PTPRD: variants seen among roughly 807,000 people sequenced by gnomAD.
The protein encoded by PTPRD is receptor-type tyrosine-protein phosphatase delta.
PTPRD carries 34 observed loss-of-function variants against 214.5 expected under a neutral mutation model. The observed-to-expected ratio is 0.16, with a 90% CI of 0.12 to 0.21. PTPRD has a LOEUF of 0.21. PTPRD is among the 10% of genes least tolerant of loss of function. The pLI is 1.00. For synonymous variants in PTPRD, 1,128 were observed against 845.7 expected (o/e 1.33, Z -5.79); for missense variants, 2,545 against 2,398.7 (o/e 1.06, Z -1.27).
At chr9:9,521,729 G>A (rs574905562) in intron 8 of PTPRD, among the ~76,000 whole-genome samples, 2 of 152,270 alleles carry the variant, frequency 1.3e-5, no homozygotes, top group African/African-American at 4.8e-5. Context: ...AAAGGAAAAG[G>A]TTAACAAAGT....
chr9:8,779,814 G>GTT (rs369478924), intron 11 of PTPRD, among the ~76,000 whole-genome samples: 12 of 128,448 alleles, frequency 9.3e-5, no homozygotes, highest in East Asian at 2.3e-4. Context: ...TGTTTTGTTG[G>GTT]TTTTTTTTTT....
At chr9:10,306,149 A>G (rs1367275331) in intron 3 of PTPRD, among the ~76,000 whole-genome samples, 1 of 151,702 alleles carries the variant, frequency 6.6e-6, no homozygotes, top group Non-Finnish European at 1.5e-5. Flanking sequence ...GGAAACCATC[A>G]TTTTCAGCAA....
In PTPRD at chr9:8,518,333, T is replaced by A; in HGVS notation, c.1058A>T (p.Tyr353Phe). 6.2e-7 allele frequency: 1 copy of A among 1,614,162 alleles called. No individual in the cohort carries two copies. Among genetic ancestry groups the A allele is most frequent in the Non-Finnish European group, 8.5e-7 (1 of 1,180,010 alleles). Reference sequence around the variant, plus strand: ...TTTAGGTTTATGCTGAATTATGTAATAAGAAACAGGCTCAGGGTTCCCAGA... The same window carrying A: ...TTTAGGTTTATGCTGAATTATGTAAAAAGAAACAGGCTCAGGGTTCCCAGA... ...WDSGNPEPVS[Y>F]YIIQHKPKNS... Residue 353 changes from tyrosine (Y) to phenylalanine (F), a missense_variant, in exon 21 of 46, where the codon TAT (tyrosine) becomes TTT (phenylalanine). By Grantham distance (22) the Tyr-to-Phe change is conservative. Transcript: ENST00000381196.
chr9:10,348,811 C>G (rs1367905715), intron 2 of PTPRD, among the ~76,000 whole-genome samples: 1 of 152,152 alleles, frequency 6.6e-6, no homozygotes, highest in Non-Finnish European at 1.5e-5. Flanking sequence ...CTTGGTCACG[C>G]AAGCCTGCCT....
intron 2 of PTPRD, among the ~76,000 whole-genome samples, chr9:10,451,713 T>C (rs960254800): frequency 6.6e-6 from 1 of 151,932 alleles, no homozygotes; most frequent in African/African-American, 2.4e-5. Context: ...CAAATTTCAC[T>C]AATAAAGTGG....
At chr9:10,374,475 T>C (rs897214492) in intron 2 of PTPRD, among the ~76,000 whole-genome samples, 1 of 152,032 alleles carries the variant, frequency 6.6e-6, no homozygotes, top group African/African-American at 2.4e-5. Context: ...TGCTTGTTCT[T>C]TTCCACCCGC....
At chr9:10,348,729 T>C (rs968581694) in intron 2 of PTPRD, among the ~76,000 whole-genome samples, 1 of 152,180 alleles carries the variant, frequency 6.6e-6, no homozygotes, top group African/African-American at 2.4e-5. Context: ...GGAACTTCGA[T>C]ATATGTGTGA....
intron 9 of PTPRD, among the ~76,000 whole-genome samples, chr9:9,319,920 C>G (rs575699406): frequency 6.6e-6 from 1 of 152,036 alleles, no homozygotes; most frequent in Non-Finnish European, 1.5e-5. Flanking sequence ...TACATAAAGT[C>G]CTTTTTTAAC....
intron 45 of PTPRD, 74 bp from the exon 46 acceptor site, chr9:8,318,016 A>C: frequency 1.4e-6 from 2 of 1,426,670 alleles, no homozygotes; most frequent in Non-Finnish European, 2.0e-6. Context: ...ATAAAAATCA[A>C]TATTGCATAA....
intron 5 of PTPRD, among the ~76,000 whole-genome samples, chr9:9,882,270 G>T (rs2068993553): frequency 2.6e-5 from 4 of 151,970 alleles, no homozygotes; most frequent in South Asian, 2.1e-4. Flanking sequence ...ATCGAAATTA[G>T]AATATTTTCT....
intron 8 of PTPRD, among the ~76,000 whole-genome samples, chr9:9,418,960 A>G (rs2077807086): frequency 6.6e-6 from 1 of 151,312 alleles, no homozygotes; most frequent in Non-Finnish European, 1.5e-5. Flanking sequence ...AGTGTAGTGG[A>G]GAAGGAAACG....
intron 10 of PTPRD, among the ~76,000 whole-genome samples, chr9:9,099,417 A>C (rs537670602): frequency 6.6e-6 from 1 of 152,176 alleles, no homozygotes; most frequent in East Asian, 1.9e-4. Flanking sequence ...TTTGTCTTGA[A>C]TAAGTGTCTG....
chr9:8,563,711 G>T (rs548657447), intron 14 of PTPRD, among the ~76,000 whole-genome samples: 1 of 152,056 alleles, frequency 6.6e-6, no homozygotes, highest in Admixed American at 6.6e-5. Context: ...ACCCAGGCTG[G>T]AACGCAGTGG....
chr9:9,901,531 G>A (rs1400602718), intron 5 of PTPRD, among the ~76,000 whole-genome samples: 3 of 151,116 alleles, frequency 2.0e-5, no homozygotes, highest in Non-Finnish European at 3.0e-5. Context: ...CAGTTGCTGG[G>A]GAAATATATA....
chr9:9,269,762 GA>G (rs1482382912), intron 9 of PTPRD, among the ~76,000 whole-genome samples: 3 of 151,178 alleles, frequency 2.0e-5, no homozygotes, highest in Admixed American at 1.3e-4. Context: ...GACATAGAAA[GA>G]AAAATACTGC....
intron 5 of PTPRD, among the ~76,000 whole-genome samples, chr9:9,879,344 C>A (rs890644190): frequency 1.3e-5 from 2 of 152,114 alleles, no homozygotes; most frequent in Non-Finnish European, 2.9e-5. Flanking sequence ...TACTTCACTC[C>A]CACTTGTGAT....
intron 8 of PTPRD, among the ~76,000 whole-genome samples, chr9:9,494,553 T>C (rs967343891): frequency 1.3e-5 from 2 of 152,186 alleles, no homozygotes; most frequent in Admixed American, 1.3e-4. Flanking sequence ...TAAAATTCAG[T>C]TGTACTTTTA....
At chr9:8,480,468 T>C (rs909621991) in intron 30 of PTPRD, among the ~76,000 whole-genome samples, 2 of 152,162 alleles carry the variant, frequency 1.3e-5, no homozygotes, top group Non-Finnish European at 2.9e-5. Flanking sequence ...CTTGTCCAAA[T>C]TGCCCAATTA....
At chr9:8,480,665 C>T (rs1565152672) in intron 30 of PTPRD, among the ~76,000 whole-genome samples, 1 of 152,276 alleles carries the variant, frequency 6.6e-6, no homozygotes, top group Non-Finnish European at 1.5e-5. Flanking sequence ...CAGTTTCTTA[C>T]ATATCAATTA....
Sources: gnomAD v4.1 joint callset for allele counts (sites outside exome capture counted in the v4.1 genomes callset) on GRCh38, gnomAD v4.1.1 for gene constraint, MANE v1.5 for transcripts, NCBI Gene and HGNC (gene_info 2026-07-23, HGNC 2026-07-21) for gene names.